MRM1: variants seen among roughly 807,000 people sequenced by gnomAD.
MRM1 encodes rRNA methyltransferase 1, mitochondrial.
Under a neutral mutation model 25.0 loss-of-function variants are expected in MRM1, and 24 were observed. The ratio of observed to expected loss-of-function variants is 0.96; its 90% confidence interval spans 0.69 to 1.35. MRM1 has a LOEUF of 1.35. MRM1 is among the 40% of genes most tolerant of loss of function. The pLI, the probability that MRM1 is intolerant of heterozygous loss-of-function variation, is 0.00. For missense variants in MRM1, 431 were observed against 464.1 expected, an observed-to-expected ratio of 0.93 and a Z score of 0.65; for synonymous variants, 188 against 199.2, an observed-to-expected ratio of 0.94 and a Z score of 0.47.
At chr17:36,617,236 G>A in the MRM1 span, among the ~76,000 whole-genome samples, 15 of 152,126 alleles carry the variant, frequency 9.9e-5, no homozygotes, top group Non-Finnish European at 1.6e-4. Context: ...CAGATTTGAA[G>A]GCTCAGGCCT....
At chr17:36,606,640 G>C (rs537166252) in intron 2 of MRM1, among the ~76,000 whole-genome samples, 7 of 147,120 alleles carry the variant, frequency 4.8e-5, no homozygotes, top group African/African-American at 1.8e-4. Flanking sequence ...GTGGAGTCTC[G>C]CTTTGTTGCC....
chr17:36,607,697 G>T lies in MRM1; in HGVS notation c.664G>T (p.Ala222Ser), dbSNP rs757596239. The T allele has an allele frequency of 1.1e-5, 18 of 1,614,006 alleles. No homozygotes were observed. Among genetic ancestry groups the T allele is most frequent in the Non-Finnish European group, 1.5e-5 (18 of 1,180,004 alleles). ...QTKAQQGWLV[A>S]GTVGCPSTED... ...CAAAGCCCAGCAGGGCTGGCTCGTG[G>T]CCGGCACGGTGGGCTGCCCAAGCAC... Residue 222 changes from alanine (A) to serine (S), a missense_variant, in exon 3 of 5, where the codon GCC (alanine) becomes TCC (serine). Coordinates refer to ENST00000614766, the MANE Select transcript of MRM1 (RefSeq NM_024864.5).
chr17:36,631,857 C>T, the MRM1 span, among the ~76,000 whole-genome samples: 2 of 152,206 alleles, frequency 1.3e-5, no homozygotes, highest in African/African-American at 4.8e-5. Context: ...CCTACCTCAA[C>T]TCTGGGCTGG....
chr17:36,606,874 G>A (rs2074933415), intron 2 of MRM1, among the ~76,000 whole-genome samples: 1 of 149,152 alleles, frequency 6.7e-6, no homozygotes, highest in African/African-American at 2.5e-5. Flanking sequence ...GCCTCCCAAA[G>A]TGCTGGGATT....
the MRM1 span, among the ~76,000 whole-genome samples, chr17:36,624,201 C>G: frequency 6.6e-6 from 1 of 152,234 alleles, no homozygotes; most frequent in East Asian, 1.9e-4. This position sits in a 1 kb window ranked among gnomAD's most constrained non-coding sequence, Gnocchi z 4.0. Context: ...GAGCCTCCCT[C>G]AGACCTGCTG....
chr17:36,611,891 C>G (rs2074978640), downstream of MRM1, among the ~76,000 whole-genome samples: 1 of 152,202 alleles, frequency 6.6e-6, no homozygotes, highest in South Asian at 2.1e-4. Flanking sequence ...CCCTGCACGT[C>G]TTGAGACTTG....
chr17:36,614,224 A>G, the MRM1 span, among the ~76,000 whole-genome samples: 1 of 151,536 alleles, frequency 6.6e-6, no homozygotes, highest in African/African-American at 2.4e-5. Context: ...GCGTAGGGGG[A>G]GGTGTCAGAT....
rs764825566 is a variant in MRM1, at chr17:36,602,684, C to T, written c.636+38C>T. On this transcript the variant is annotated intron_variant, in intron 2 of 4. Coordinates refer to ENST00000614766, the MANE Select transcript of MRM1 (RefSeq NM_024864.5). This position sits in a 1 kb window ranked among gnomAD's most constrained non-coding sequence, Gnocchi z 4.1. Reference sequence around the variant, plus strand: ...AAGAGGGGAAGGAACAGATGTGAGCCCAGCTCAGCCTCTTCAAGGGGACGA... The same window carrying T: ...AAGAGGGGAAGGAACAGATGTGAGCTCAGCTCAGCCTCTTCAAGGGGACGA... The T allele has an allele frequency of 6.2e-6, 10 of 1,606,088 alleles. No homozygotes were observed. Among genetic ancestry groups the T allele is most frequent in the Non-Finnish European group, 6.8e-6 (8 of 1,172,720 alleles).
At chr17:36,622,914 G>A in the MRM1 span, among the ~76,000 whole-genome samples, 30,915 of 152,134 alleles carry the variant, frequency 0.2, 3,321 homozygotes, top group Non-Finnish European at 0.22. Context: ...TCTGGTTGTA[G>A]GCCGAGCCTC....
chr17:36,607,885 C>T lies in MRM1; in HGVS notation c.770-14C>T, dbSNP rs754055665. 2.5e-6 allele frequency: 4 copies of T among 1,613,420 alleles called. No individual in the cohort carries two copies. The South Asian group carries it at 4.4e-5, about 18-fold the overall frequency. ...CAGCTGGGCAACCCTAACCCTCAGC[C>T]CCACGCCCTGCAGGGAATGAGGGCT... On this transcript the variant is annotated splice_polypyrimidine_tract_variant and intron_variant, in intron 3 of 4. Transcript: ENST00000614766.
chr17:36,620,917 G>A, the MRM1 span, among the ~76,000 whole-genome samples: 2 of 152,216 alleles, frequency 1.3e-5, no homozygotes, highest in Admixed American at 1.3e-4. Context: ...CCTGCCAGGT[G>A]CTGCTTGCAG....
At position 36,601,781 on chromosome 17, in the gene MRM1, G is replaced by C; in HGVS notation, c.-30G>C. 1 of 1,517,146 alleles carries C rather than the reference G, an allele frequency of 6.6e-7. No individual in the cohort carries two copies. Among genetic ancestry groups the C allele is most frequent in the Non-Finnish European group, 8.8e-7 (1 of 1,135,814 alleles). 94.0% of individuals were successfully genotyped at this position (1,517,146 alleles called of 1,614,324 possible). A position where few individuals can be genotyped will look rare whatever the true frequency, so the allele number is the denominator to read the frequency against. On this transcript the variant is annotated 5_prime_UTR_variant, in exon 1 of 5. Transcript: ENST00000614766. ...TTACCGCTCCCGGGGACGCAGCAAG[G>C]GGCATCGAGTCCCTGGCGGGAGCTG...
chr17:36,625,462 C>CTTTTTTTTTTTTT, the MRM1 span, among the ~76,000 whole-genome samples: 86 of 102,002 alleles, frequency 8.4e-4, 8 homozygotes, highest in African/African-American at 3.1e-3. Flanking sequence ...CCTCCTCCTC[C>CTTTTTTTTTTTTT]TTTTTTTTTT....
Position 36,602,443 on chromosome 17 carries a change from ACTTAC to A in MRM1, c.542+94_542+98del. On this transcript the variant is annotated intron_variant, in intron 1 of 4. Transcript: ENST00000614766. The surrounding 1 kb of genome is among the most constrained non-coding windows in gnomAD (Gnocchi z 4.1). ...GGCCCTTGGGTGATCCCTTAGCCAG[ACTTAC>A]CTGTCCCAGAACTCTCATCCCCCTA... The A allele has an allele frequency of 6.3e-7, 1 of 1,577,188 alleles. No individual in the cohort carries two copies. Among genetic ancestry groups the A allele is most frequent in the Non-Finnish European group, 8.6e-7 (1 of 1,158,334 alleles).
chr17:36,602,651 TGAGGGGCAA>T lies in MRM1; in HGVS notation c.636+12_636+20del, dbSNP rs1567846113. 6.2e-7 allele frequency: 1 copy of T among 1,613,900 alleles called. No homozygotes were observed. Among genetic ancestry groups the T allele is most frequent in the South Asian group, 1.1e-5 (1 of 91,076 alleles). ...GACCTCACCGGATTTTTACAGGTAATGAGGGGCAAGAGGGGAAGGAACAGATGTGAGCCC... is the reference window on the plus strand; with the variant it reads ...GACCTCACCGGATTTTTACAGGTAATGAGGGGAAGGAACAGATGTGAGCCC... On this transcript the variant is annotated splice_donor_region_variant and intron_variant, in intron 2 of 4. Coordinates refer to ENST00000614766, the MANE Select transcript of MRM1 (RefSeq NM_024864.5). This position sits in a 1 kb window ranked among gnomAD's most constrained non-coding sequence, Gnocchi z 4.1.
chr17:36,606,910 T>TTTTG (rs2074934303), intron 2 of MRM1, among the ~76,000 whole-genome samples: 1 of 139,394 alleles, frequency 7.2e-6, no homozygotes, highest in Non-Finnish European at 1.5e-5. Flanking sequence ...TGCGCCTGGT[T>TTTTG]TTTTGTTTTT....
rs184413032 is a variant in MRM1 at position 36,607,092 on chromosome 17, T to G, written c.637-578T>G. On this transcript the variant is annotated intron_variant, in intron 2 of 4. Coordinates refer to ENST00000614766, the MANE Select transcript of MRM1 (RefSeq NM_024864.5). ...ACCATGCCCGGCTAATTTTGTATTT[T>G]TAGTAGAGACGGGGTTTCTCCATGT... 2.7e-3 allele frequency among the ~76,000 whole-genome samples: 413 copies of G among 151,886 alleles called. 4 individuals carry two copies. Among genetic ancestry groups the G allele is most frequent in the African/African-American group, 9.6e-3 (399 of 41,406 alleles).
chr17:36,617,322 G>A, the MRM1 span, among the ~76,000 whole-genome samples: 106 of 152,086 alleles, frequency 7.0e-4, no homozygotes, highest in Admixed American at 2.1e-3. Context: ...ACCCACGGTT[G>A]TGCTGGGAGG....
At chr17:36,628,030 CT>C in the MRM1 span, among the ~76,000 whole-genome samples, 1 of 152,146 alleles carries the variant, frequency 6.6e-6, no homozygotes, top group Admixed American at 6.5e-5. Flanking sequence ...GTAATAAGTT[CT>C]ATTTTTTGAG....
Sources: gnomAD v4.1 joint callset for allele counts (sites outside exome capture counted in the v4.1 genomes callset) on GRCh38, gnomAD v4.1.1 for gene constraint, Gnocchi (gnomAD v3.1) non-coding constraint, MANE v1.5 for transcripts, NCBI Gene and HGNC (gene_info 2026-07-23, HGNC 2026-07-21) for gene names.